The following PRMT9 variants were observed in gnomAD, a reference collection of about 807,000 sequenced individuals.
PRMT9 encodes protein arginine N-methyltransferase 9.
PRMT9 carries 59 observed loss-of-function variants against 83.2 expected under a neutral mutation model. The observed-to-expected ratio is 0.71, with a 90% CI of 0.57 to 0.88. The LOEUF is 0.88. PRMT9 is among the 40% of genes least tolerant of loss of function. The pLI, the probability that PRMT9 is intolerant of heterozygous loss-of-function variation, is 0.00. For missense variants in PRMT9, 947 were observed against 1,021.9 expected, an observed-to-expected ratio of 0.93 and a Z score of 1.00; for synonymous variants, 333 against 353.2, an observed-to-expected ratio of 0.94 and a Z score of 0.64.
intron 8 of PRMT9, among the ~76,000 whole-genome samples, chr4:147,657,288 G>A (rs1177138755): frequency 3.9e-5 from 6 of 152,226 alleles, no homozygotes; most frequent in South Asian, 4.1e-4. Flanking sequence ...CACTTTGGGA[G>A]GCCGAGGTGG....
At chr4:147,663,621 C>T (rs1735122597) in intron 6 of PRMT9, among the ~76,000 whole-genome samples, 2 of 152,188 alleles carry the variant, frequency 1.3e-5, no homozygotes, top group African/African-American at 2.4e-5. Context: ...CCACCTTTGC[C>T]TCCCAAAGTC....
chr4:147,651,599 C>T (rs1041382215), intron 9 of PRMT9, among the ~76,000 whole-genome samples: 1 of 152,110 alleles, frequency 6.6e-6, no homozygotes, highest in Non-Finnish European at 1.5e-5. Context: ...AAACTATGTA[C>T]AAATGGTCAA....
At chr4:147,660,775 T>C (rs1429417841) in intron 7 of PRMT9, 71 bp downstream of exon 7, 2 of 954,968 alleles carry the variant, frequency 2.1e-6, no homozygotes, top group Non-Finnish European at 3.4e-6. Flanking sequence ...ATAAAGACTG[T>C]CTGTCCTATA....
chr4:147,657,721 T>C (rs1215067752), intron 8 of PRMT9, 71 bp downstream of exon 8: 2 of 1,182,794 alleles, frequency 1.7e-6, no homozygotes, highest in Non-Finnish European at 2.5e-6. Context: ...AAGTAATTTT[T>C]TTTTTGCCAC....
intron 10 of PRMT9, among the ~76,000 whole-genome samples, chr4:147,639,856 T>A (rs1222646926): frequency 6.6e-6 from 1 of 152,058 alleles, no homozygotes; most frequent in African/African-American, 2.4e-5. Context: ...CCAGCCTTTA[T>A]TCCCCATAAA....
In PRMT9 at chr4:147,669,976, A is replaced by C. The variant is rs1387820606; in HGVS notation, c.846+665T>G. Among the ~76,000 whole-genome samples, 3 of 152,172 alleles carry C rather than the reference A, an allele frequency of 2.0e-5. No individual in the cohort carries two copies. The South Asian group carries it at 6.2e-4, about 31-fold the overall frequency. Reference sequence around the variant, plus strand: ...TACTCCCTTCTGATAATTTGCCAAAATTCTAGGCAGTGAGGTCTGTAAGAC... The same window carrying C: ...TACTCCCTTCTGATAATTTGCCAAACTTCTAGGCAGTGAGGTCTGTAAGAC... On this transcript the variant is annotated intron_variant, in intron 5 of 11. Transcript: ENST00000322396.
intron 1 of PRMT9, among the ~76,000 whole-genome samples, chr4:147,682,945 G>A (rs1418149038): frequency 6.6e-6 from 1 of 152,170 alleles, no homozygotes; most frequent in Non-Finnish European, 1.5e-5. Context: ...CATTCAAAAT[G>A]TCAATAGTGC....
intron 7 of PRMT9, among the ~76,000 whole-genome samples, chr4:147,659,127 C>T (rs1398639897): frequency 6.6e-6 from 1 of 150,656 alleles, no homozygotes; most frequent in Non-Finnish European, 1.5e-5. Context: ...TGCAGTGAGC[C>T]GAGATCACGC....
intron 6 of PRMT9, among the ~76,000 whole-genome samples, chr4:147,667,300 C>A (rs967064288): frequency 1.1e-4 from 16 of 152,086 alleles, no homozygotes; most frequent in African/African-American, 3.9e-4. Flanking sequence ...TGGAAGCAAT[C>A]CAAAAATTCT....
intron 7 of PRMT9, among the ~76,000 whole-genome samples, chr4:147,659,834 G>A (rs1734829243): frequency 6.6e-6 from 1 of 152,034 alleles, no homozygotes; most frequent in African/African-American, 2.4e-5. Flanking sequence ...ACCTGCCTCG[G>A]CCTCCCAAAG....
At chr4:147,651,024 ACC>A (rs1734063682) in intron 9 of PRMT9, among the ~76,000 whole-genome samples, 1 of 151,912 alleles carries the variant, frequency 6.6e-6, no homozygotes, top group African/African-American at 2.4e-5. Context: ...ATCCCCTTGA[ACC>A]CAGGAGGTGG....
chr4:147,665,945 T>C (rs930930007), intron 6 of PRMT9, among the ~76,000 whole-genome samples: 16 of 152,192 alleles, frequency 1.1e-4, no homozygotes, highest in Non-Finnish European at 2.2e-4. Flanking sequence ...CATGTATGAG[T>C]ATTTATCAGG....
chr4:147,653,756 A>C (rs1734282354), intron 9 of PRMT9, 96 bp downstream of exon 9: 1 of 848,472 alleles, frequency 1.2e-6, no homozygotes, highest in Admixed American at 2.3e-5. Context: ...ATCTTGACTT[A>C]TTTTTACAGT....
chr4:147,654,693 A>G (rs1734366170), intron 8 of PRMT9, 127 bp from the exon 9 acceptor site: 2 of 668,492 alleles, frequency 3.0e-6, no homozygotes, highest in Non-Finnish European at 5.1e-6. Flanking sequence ...ACAAATACTC[A>G]TTTAATATAC....
intron 1 of PRMT9, 97 bp downstream of exon 1, chr4:147,683,702 G>C (rs1578952393): frequency 8.2e-7 from 1 of 1,212,820 alleles, no homozygotes; most frequent in Non-Finnish European, 1.2e-6. Flanking sequence ...CACCCACCCA[G>C]GCACCCTAGC....
chr4:147,653,903 T>G lies in PRMT9; in HGVS notation c.1994A>C (p.Glu665Ala). The G allele has an allele frequency of 6.2e-7, 1 of 1,614,170 alleles. No homozygotes were observed. Among genetic ancestry groups the G allele is most frequent in the South Asian group, 1.1e-5 (1 of 91,082 alleles). The change falls in exon 9 of 12, where the codon GAG becomes GCG. Residue 665 changes from glutamate (E) to alanine (A), a missense_variant. Transcript: ENST00000322396. ...LWSIIILDVI[E>A]PSGLIQQEIM... Reference sequence around the variant, plus strand: ...TTCCTGCTGAATGAGCCCAGATGGCTCAATGACATCCAATATAATTATGCT... The same window carrying G: ...TTCCTGCTGAATGAGCCCAGATGGCGCAATGACATCCAATATAATTATGCT...
intron 9 of PRMT9, among the ~76,000 whole-genome samples, chr4:147,651,067 C>T (rs1436143339): frequency 6.6e-6 from 1 of 151,696 alleles, no homozygotes; most frequent in Non-Finnish European, 1.5e-5. Flanking sequence ...AGCGCCACTG[C>T]AGTCTGGCCT....
chr4:147,662,909 T>A (rs991732798), intron 6 of PRMT9, among the ~76,000 whole-genome samples: 2 of 152,182 alleles, frequency 1.3e-5, no homozygotes, highest in Admixed American at 6.5e-5. Flanking sequence ...GGCACTTTTT[T>A]AAGAGAATTT....
At chr4:147,674,419 T>C (rs1488876451) in intron 2 of PRMT9, among the ~76,000 whole-genome samples, 1 of 152,114 alleles carries the variant, frequency 6.6e-6, no homozygotes, top group African/African-American at 2.4e-5. Context: ...GCTAAATAAA[T>C]GCTCTGGAAG....
Sources: gnomAD v4.1 joint callset for allele counts (sites outside exome capture counted in the v4.1 genomes callset) on GRCh38, gnomAD v4.1.1 for gene constraint, MANE v1.5 for transcripts, NCBI Gene and HGNC (gene_info 2026-07-23, HGNC 2026-07-21) for gene names.